The following MCU variants were observed in gnomAD, a reference collection of about 807,000 sequenced individuals.
MCU encodes the protein mitochondrial calcium uniporter, also known as calcium uniporter protein, mitochondrial.
In MCU, 12 loss-of-function variants were observed where a neutral mutation model predicts 45.2. That is an observed-to-expected ratio of 0.27 (90% CI 0.17 to 0.43). The LOEUF (loss-of-function observed/expected upper bound fraction) is 0.43, where lower values mean the gene tolerates loss of function less well. Ranked by LOEUF, MCU falls within the 20% of genes least tolerant of loss-of-function variation. The pLI is 1.00. For missense variants in MCU, 324 were observed against 436.7 expected (o/e 0.74, Z 2.30); for synonymous variants, 160 against 165.1 (o/e 0.97, Z 0.24).
intron 1 of MCU, among the ~76,000 whole-genome samples, chr10:72,821,741 A>G (rs889938225): frequency 1.3e-5 from 2 of 152,208 alleles, no homozygotes; most frequent in Non-Finnish European, 2.9e-5. Flanking sequence ...TGTCAACTTC[A>G]ACTCAGCTGG....
At chr10:72,779,844 A>G (rs183064120) in intron 1 of MCU, among the ~76,000 whole-genome samples, 3 of 152,242 alleles carry the variant, frequency 2.0e-5, no homozygotes, top group Admixed American at 6.5e-5. Flanking sequence ...GTAAAATGGT[A>G]CAGCTACTTA....
chr10:72,843,254 T>G (rs1365767241), intron 2 of MCU, among the ~76,000 whole-genome samples: 2 of 152,240 alleles, frequency 1.3e-5, no homozygotes, highest in African/African-American at 4.8e-5. Context: ...ACTGTTATAG[T>G]ATCACACAGA....
intron 1 of MCU, among the ~76,000 whole-genome samples, chr10:72,832,416 A>G (rs1844891368): frequency 6.6e-6 from 1 of 152,216 alleles, no homozygotes; most frequent in Non-Finnish European, 1.5e-5. Flanking sequence ...ATTAAAGAAC[A>G]CACAAAGATG....
chr10:72,709,819 G>T (rs923216602), intron 1 of MCU, among the ~76,000 whole-genome samples: 6 of 152,040 alleles, frequency 3.9e-5, no homozygotes, highest in Non-Finnish European at 8.8e-5. Context: ...CAGAATTTTG[G>T]AATATTCATT....
intron 1 of MCU, among the ~76,000 whole-genome samples, chr10:72,713,499 T>G (rs1842919990): frequency 6.6e-6 from 1 of 152,118 alleles, no homozygotes; most frequent in African/African-American, 2.4e-5. Context: ...AGGCTGGTCT[T>G]GAACTCCTGA....
intron 1 of MCU, among the ~76,000 whole-genome samples, chr10:72,775,560 C>A (rs1258459278): frequency 2.6e-5 from 4 of 151,504 alleles, no homozygotes; most frequent in Non-Finnish European, 5.9e-5. Flanking sequence ...AAATCGAAAC[C>A]AAAAAAACTC....
At chr10:72,731,507 T>G (rs886222539) in intron 1 of MCU, among the ~76,000 whole-genome samples, 2 of 152,124 alleles carry the variant, frequency 1.3e-5, no homozygotes. Flanking sequence ...ATTCAGTGGT[T>G]TTAAGGTAGT....
intron 6 of MCU, among the ~76,000 whole-genome samples, chr10:72,874,658 C>G (rs575104916): frequency 6.6e-6 from 1 of 152,280 alleles, no homozygotes; most frequent in South Asian, 2.1e-4. Flanking sequence ...TTTTTAGCAC[C>G]TAGTTGCATG....
intron 1 of MCU, among the ~76,000 whole-genome samples, chr10:72,696,185 ATT>A (rs1554818423): frequency 7.3e-5 from 8 of 109,982 alleles, no homozygotes; most frequent in Admixed American, 2.8e-4. Context: ...AAAAAAAAAA[ATT>A]TTTTTTTTTT....
At chr10:72,861,684 A>C in intron 4 of MCU, 1 of 346,736 alleles carries the variant, frequency 2.9e-6, no homozygotes, top group Non-Finnish European at 5.4e-6. Flanking sequence ...TTTAGTAGAG[A>C]TGGGGTTTTG....
chr10:72,769,483 A>G (rs1007053067), intron 1 of MCU, among the ~76,000 whole-genome samples: 4 of 152,076 alleles, frequency 2.6e-5, no homozygotes, highest in South Asian at 2.1e-4. Context: ...CAAGATCTCT[A>G]TGTTGCTGAG....
At chr10:72,807,374 A>T (rs1396576012) in intron 1 of MCU, among the ~76,000 whole-genome samples, 1 of 141,580 alleles carries the variant, frequency 7.1e-6, no homozygotes. Flanking sequence ...CTGAAATCTT[A>T]AAAAAAAAAA....
At chr10:72,777,005 G>T (rs980692623) in intron 1 of MCU, among the ~76,000 whole-genome samples, 1 of 152,066 alleles carries the variant, frequency 6.6e-6, no homozygotes, top group Non-Finnish European at 1.5e-5. Context: ...AACTGAATAA[G>T]TAAAAGATCA....
At chr10:72,743,866 G>A (rs1843371622) in intron 1 of MCU, among the ~76,000 whole-genome samples, 1 of 152,064 alleles carries the variant, frequency 6.6e-6, no homozygotes, top group Non-Finnish European at 1.5e-5. Context: ...TTCTCTTGGT[G>A]CCTGGCAGCA....
At chr10:72,721,656 ATAT>A (rs1280953995) in intron 1 of MCU, among the ~76,000 whole-genome samples, 5 of 152,170 alleles carry the variant, frequency 3.3e-5, no homozygotes, top group African/African-American at 1.2e-4. Context: ...CTCTGCTGAA[ATAT>A]TATATTCTCA....
At position 72,708,020 on chromosome 10, in the gene MCU, G is replaced by A. The variant is rs192358172; in HGVS notation, c.150+15719G>A. ...ATAAAACATGTTGTATTTTTATACA[G>A]TACTTTACAAGTAATTATGTTATTT... On this transcript the variant is annotated intron_variant, in intron 1 of 7. Transcript: ENST00000373053. 3.6e-3 allele frequency among the ~76,000 whole-genome samples: 543 copies of A among 152,200 alleles called. 4 individuals are homozygous for A. The highest frequency in any genetic ancestry group is 4.0e-3 in the Non-Finnish European group (272 of 68,010).
chr10:72,860,466 CCTT>C lies in MCU; in HGVS notation c.436_438del (p.Leu146del). 1 of 1,614,064 alleles carries C rather than the reference CCTT, an allele frequency of 6.2e-7. No individual in the cohort carries two copies. The highest frequency in any genetic ancestry group is 8.5e-7 in the Non-Finnish European group (1 of 1,179,994). On this transcript the variant is annotated inframe_deletion, in exon 4 of 8. Coordinates refer to ENST00000373053, the MANE Select transcript of MCU (RefSeq NM_138357.3). ...CTTCAACAGGAATAGACCTCCTCCTCCTTGATGACTTTAAGCTGGTCATTAATG... is the reference window on the plus strand; with the variant it reads ...CTTCAACAGGAATAGACCTCCTCCTCGATGACTTTAAGCTGGTCATTAATG...
chr10:72,757,132 G>T (rs1432154216), intron 1 of MCU: 5 of 152,104 alleles, frequency 3.3e-5, no homozygotes, highest in Non-Finnish European at 5.9e-5. Context: ...ATCAGTCAGG[G>T]TCTCACAAGG....
intron 7 of MCU, among the ~76,000 whole-genome samples, chr10:72,884,817 A>G (rs1845755188): frequency 6.6e-6 from 1 of 152,206 alleles, no homozygotes; most frequent in Admixed American, 6.5e-5. Context: ...GATCTTTGCC[A>G]GGGACAGTTT....
Sources: gnomAD v4.1 joint callset for allele counts (sites outside exome capture counted in the v4.1 genomes callset) on GRCh38, gnomAD v4.1.1 for gene constraint, MANE v1.5 for transcripts, NCBI Gene and HGNC (gene_info 2026-07-23, HGNC 2026-07-21) for gene names.